Variants in GRM8 observed in about 807,000 individuals in gnomAD.
The protein encoded by GRM8 is glutamate metabotropic receptor 8, also known as metabotropic glutamate receptor 8.
GRM8 carries 47 observed loss-of-function variants against 87.2 expected under a neutral mutation model. That is an observed-to-expected ratio of 0.54 (90% CI 0.43 to 0.69). GRM8 has a LOEUF of 0.69. Ranked by LOEUF, GRM8 falls within the 30% of genes least tolerant of loss-of-function variation. The pLI, the probability that GRM8 is intolerant of heterozygous loss-of-function variation, is 0.00. For synonymous variants in GRM8, 396 were observed against 404.5 expected, an observed-to-expected ratio of 0.98 and a Z score of 0.25; for missense variants, 1,019 against 1,139.2, an observed-to-expected ratio of 0.89 and a Z score of 1.52.
intron 2 of GRM8, among the ~76,000 whole-genome samples, chr7:127,150,923 G>A (rs570803822): frequency 3.2e-4 from 48 of 152,074 alleles, no homozygotes; most frequent in Non-Finnish European, 5.9e-5. Context: ...TGCTATCATG[G>A]TGAGTCTATG....
intron 7 of GRM8, among the ~76,000 whole-genome samples, chr7:126,629,153 T>C (rs1051145848): frequency 4.6e-5 from 7 of 152,122 alleles, no homozygotes; most frequent in Non-Finnish European, 8.8e-5. Flanking sequence ...TCCCCGGAGG[T>C]CAATGAACCC....
intron 2 of GRM8, among the ~76,000 whole-genome samples, chr7:127,211,859 G>A (rs938980624): frequency 6.6e-6 from 1 of 152,178 alleles, no homozygotes; most frequent in Non-Finnish European, 1.5e-5. Flanking sequence ...AAATTACTCG[G>A]TCTAAGGTGT....
chr7:127,210,865 GTACTATAGGTACCACATAGGTACCAAGT>G (rs1208182218), intron 2 of GRM8, among the ~76,000 whole-genome samples: 4 of 152,102 alleles, frequency 2.6e-5, no homozygotes, highest in East Asian at 1.9e-4. Flanking sequence ...AGGTACCAAG[GTACTATAGGTACCACATAGGTACCAAGT>G]TACTATAGGT....
At chr7:126,559,559 T>A (rs1335785408) in intron 8 of GRM8, among the ~76,000 whole-genome samples, 5 of 152,200 alleles carry the variant, frequency 3.3e-5, no homozygotes, top group African/African-American at 1.2e-4. Context: ...TCAATTACTG[T>A]TGTGCTGGAT....
chr7:126,617,398 T>G (rs917797045), intron 7 of GRM8, among the ~76,000 whole-genome samples: 1 of 152,186 alleles, frequency 6.6e-6, no homozygotes, highest in African/African-American at 2.4e-5. Context: ...GAGCTATTTA[T>G]GACAAACCCA....
chr7:126,684,751 C>T (rs1454737816), intron 7 of GRM8, among the ~76,000 whole-genome samples: 2 of 152,166 alleles, frequency 1.3e-5, no homozygotes, highest in African/African-American at 4.8e-5. Flanking sequence ...AGATTTTCTA[C>T]TAGTTTAGGA....
At chr7:126,538,201 A>C (rs1327310179) in intron 8 of GRM8, among the ~76,000 whole-genome samples, 1 of 152,248 alleles carries the variant, frequency 6.6e-6, no homozygotes, top group Non-Finnish European at 1.5e-5. Flanking sequence ...AGACAAGTAC[A>C]CAAAGAATCG....
intron 7 of GRM8, among the ~76,000 whole-genome samples, chr7:126,658,381 T>C (rs1223006827): frequency 6.6e-6 from 1 of 151,836 alleles, no homozygotes; most frequent in East Asian, 1.9e-4. Context: ...GAAAGCAAAA[T>C]GATTTACAAA....
chr7:126,597,101 T>C (rs996896376), intron 8 of GRM8, among the ~76,000 whole-genome samples: 1 of 152,114 alleles, frequency 6.6e-6, no homozygotes, highest in African/African-American at 2.4e-5. Context: ...TTATACACAA[T>C]TGCATATTTC....
At chr7:127,063,866 T>C (rs939351927) in intron 3 of GRM8, among the ~76,000 whole-genome samples, 1 of 152,248 alleles carries the variant, frequency 6.6e-6, no homozygotes, top group African/African-American at 2.4e-5. Flanking sequence ...ATTTCTGCCT[T>C]AATTTCACTA....
chr7:126,982,159 G>A (rs1375684612), intron 3 of GRM8, among the ~76,000 whole-genome samples: 1 of 152,162 alleles, frequency 6.6e-6, no homozygotes, highest in Non-Finnish European at 1.5e-5. Flanking sequence ...TCCAGTAAAG[G>A]AGAAAGATGT....
At position 126,703,962 on chromosome 7, in the gene GRM8, C is replaced by T. The variant is rs1015333979; in HGVS notation, c.1357+65903G>A. On this transcript the variant is annotated intron_variant, in intron 7 of 10. Coordinates refer to ENST00000339582, the MANE Select transcript of GRM8 (RefSeq NM_000845.3). ...GACCCTGTCCTTACCTGCAAATTCA[C>T]GAACACTTCCTCAGGCCCAGGAAGA... Among the ~76,000 whole-genome samples the T allele has an allele frequency of 3.5e-4, 53 of 152,132 alleles. 1 individual carries two copies. The highest frequency in any genetic ancestry group is 1.1e-3 in the African/African-American group (45 of 41,448).
At chr7:126,490,074 A>G (rs73447004) in intron 9 of GRM8, among the ~76,000 whole-genome samples, 2,701 of 152,160 alleles carry the variant, frequency 0.018, 76 homozygotes, top group African/African-American at 0.059. Flanking sequence ...TCAAGCTTGC[A>G]GAGAGCAGAT....
chr7:126,718,153 C>T (rs956618881), intron 7 of GRM8, among the ~76,000 whole-genome samples: 11 of 152,014 alleles, frequency 7.2e-5, no homozygotes, highest in African/African-American at 2.4e-4. Context: ...AGGAGAATGG[C>T]GTGAATCCAG....
chr7:126,933,310 G>T (rs889907501), intron 3 of GRM8, among the ~76,000 whole-genome samples: 1 of 152,234 alleles, frequency 6.6e-6, no homozygotes, highest in Non-Finnish European at 1.5e-5. Flanking sequence ...GAAGAGCAAT[G>T]CAGGCAAATA....
chr7:126,984,992 C>A (rs1221163243), intron 3 of GRM8, among the ~76,000 whole-genome samples: 1 of 151,866 alleles, frequency 6.6e-6, no homozygotes, highest in East Asian at 1.9e-4. Context: ...GATAATTATA[C>A]TCCCAGTTTC....
chr7:126,677,360 C>CAAA (rs35134983), intron 7 of GRM8, among the ~76,000 whole-genome samples: 1 of 115,850 alleles, frequency 8.6e-6, no homozygotes, highest in Non-Finnish European at 1.8e-5. Context: ...GGCATCCACC[C>CAAA]AAAAAAAAAA....
chr7:126,601,801 T>G (rs1202181298), intron 8 of GRM8, among the ~76,000 whole-genome samples: 1 of 145,856 alleles, frequency 6.9e-6, no homozygotes, highest in Non-Finnish European at 1.5e-5. Flanking sequence ...CTTGTAAATT[T>G]GTTTGAGTTC....
intron 3 of GRM8, among the ~76,000 whole-genome samples, chr7:126,927,394 C>T (rs1805256333): frequency 1.3e-5 from 2 of 152,084 alleles, no homozygotes; most frequent in Non-Finnish European, 2.9e-5. Context: ...TATTCAGCCT[C>T]CAAAAGTGGT....
Sources: gnomAD v4.1 joint callset for allele counts (sites outside exome capture counted in the v4.1 genomes callset) on GRCh38, gnomAD v4.1.1 for gene constraint, MANE v1.5 for transcripts, NCBI Gene and HGNC (gene_info 2026-07-23, HGNC 2026-07-21) for gene names.